The following WDR97 variants were observed in gnomAD, a reference collection of about 807,000 sequenced individuals.
The protein encoded by WDR97 is WD repeat domain 97, also known as WD repeat-containing protein 97.
A neutral mutation model predicts 65.4 loss-of-function variants in WDR97; 111 were observed. The ratio of observed to expected loss-of-function variants is 1.70; its 90% CI spans 1.45 to 1.99. The LOEUF (loss-of-function observed/expected upper bound fraction) is 1.99, where lower values mean the gene tolerates loss of function less well. Among genes scored for constraint, WDR97 ranks in the 30% most tolerant of loss-of-function variants. The probability of loss-of-function intolerance (pLI) is 0.00; values close to 1 mark genes in which losing one functional copy is unlikely to be tolerated. For synonymous variants in WDR97, 802 were observed against 397.7 expected, an observed-to-expected ratio of 2.02 and a Z score of -12.10; for missense variants, 1,674 against 865.0, an observed-to-expected ratio of 1.94 and a Z score of -11.73.
Position 144,111,048 on chromosome 8 carries a change from G to T in WDR97, c.2304+52G>T, listed in dbSNP as rs887184249. The T allele has an allele frequency of 5.3e-5, 37 of 702,486 alleles. No individual in the cohort carries two copies. In the African/African-American group the frequency reaches 5.8e-4, roughly 11 times the overall value. The allele number at this position is 702,486 out of a possible 1,614,324, so 43.5% of individuals were successfully genotyped here. A position where few individuals can be genotyped will look rare whatever the true frequency, so the allele number is the denominator to read the frequency against. On this transcript the variant is annotated intron_variant, in intron 9 of 23. Transcript: ENST00000323662. ...GGTGGGCCCCCCTTGCTCACCTTGGGGGGCAGACCCAGGTTCCCCCAGCCA... is the reference window on the plus strand; with the variant it reads ...GGTGGGCCCCCCTTGCTCACCTTGGTGGGCAGACCCAGGTTCCCCCAGCCA...
chr8:144,114,252 C>T (rs1412562233), intron 18 of WDR97, 26 bp from the exon 19 acceptor site: 1 of 695,262 alleles, frequency 1.4e-6, no homozygotes, highest in Admixed American at 2.0e-5. Flanking sequence ...GACATGGGAG[C>T]AGGGCCTCAG....
Position 144,114,825 on chromosome 8 carries a change from T to C in WDR97, c.3991T>C (p.Trp1331Arg), listed in dbSNP as rs1459452286. The C allele has an allele frequency of 7.1e-6, 5 of 702,634 alleles. No homozygotes were observed. The highest frequency in any genetic ancestry group is 1.3e-5 in the Non-Finnish European group (5 of 384,954). The allele number at this position is 702,634 out of a possible 1,614,324, so 43.5% of individuals were successfully genotyped here. The change falls in exon 21 of 24, where the codon TGG becomes CGG. Residue 1331 changes from tryptophan (W) to arginine (R), a missense_variant. Physicochemically the swap from Trp to Arg is moderately radical, Grantham distance 101 (BLOSUM62 -3). Transcript: ENST00000323662. ...CTTCCTATTCAAGGAGATGATGACC[T>C]GGGTCCAGGGCCCAGACCTGGACTC... ...EGFLFKEMMTWVQGPDLDSKA... is the reference protein window; with the variant it reads ...EGFLFKEMMTRVQGPDLDSKA...
Position 144,113,445 on chromosome 8 carries a change from C to G in WDR97, c.3111C>G (p.Cys1037Trp), listed in dbSNP as rs1836587182. 1 of 702,356 alleles carries G rather than the reference C, an allele frequency of 1.4e-6. No homozygotes were observed. Among genetic ancestry groups the G allele is most frequent in the Non-Finnish European group, 2.6e-6 (1 of 384,888 alleles). The allele number at this position is 702,356 out of a possible 1,614,324, so 43.5% of individuals were successfully genotyped here. A position where few individuals can be genotyped will look rare whatever the true frequency, so the allele number is the denominator to read the frequency against. ...CCTGCTGTGCCCACCTCCAGCACTG[C>G]CTGAGGCCCATCTGCTTCCCCGGCT... is the stretch of plus-strand genomic sequence containing the variant. Reference protein sequence around the residue: ...FPATVQPHKHCLRPICFPGYV... With the variant: ...FPATVQPHKHWLRPICFPGYV... Residue 1037 changes from cysteine to tryptophan, a missense_variant, in exon 16 of 24, where the codon TGC becomes TGG. Coordinates refer to ENST00000323662, the MANE Select transcript of WDR97 (RefSeq NM_001316309.2).
intron 1 of WDR97, 95 bp downstream of exon 1, chr8:144,107,957 CA>C (rs917427222): frequency 4.3e-6 from 3 of 701,362 alleles, no homozygotes; most frequent in Non-Finnish European, 7.8e-6. Context: ...CTCCCCTGGG[CA>C]GTCCCTGGTA....
Position 144,109,750 on chromosome 8 carries a change from G to A in WDR97, c.1416G>A (p.Glu472=), listed in dbSNP as rs1398978231. 7 of 680,550 alleles carry A rather than the reference G, an allele frequency of 1.0e-5. No individual in the cohort carries two copies. Among genetic ancestry groups the A allele is most frequent in the South Asian group, 6.1e-5 (4 of 65,430 alleles). The allele number at this position is 680,550 out of a possible 1,614,324, so 42.2% of individuals were successfully genotyped here. Residue 472 remains glutamate, a synonymous_variant, in exon 5 of 24, where the codon GAG becomes GAA. Coordinates refer to ENST00000323662, the MANE Select transcript of WDR97 (RefSeq NM_001316309.2). The part of the protein sequence containing the change: ...TGRIVSSLLL[E]PEDCAAAVAY... ...GCATAGTGAGCTCACTGCTGCTGGA[G>A]CCGGAGGACTGCGCGGCAGCCGTGG...
rs1836599557 is a variant in WDR97, at chr8:144,113,984, T to C, written c.3416T>C (p.Val1139Ala). The change falls in exon 18 of 24, where the codon GTG becomes GCG. Residue 1139 changes from valine (V) to alanine (A), a missense_variant. Physicochemically the swap from Val to Ala is moderately conservative, Grantham distance 64. Transcript: ENST00000323662. Reference protein sequence around the residue: ...DSWELEDQSAVDWTQEPRRRS... With the variant: ...DSWELEDQSAADWTQEPRRRS... ...CCACTGCTGCTCCCCTAGAGTGCTG[T>C]GGACTGGACCCAGGAGCCCCGGCGG... The C allele has an allele frequency of 1.4e-6, 1 of 702,448 alleles. No homozygotes were observed. The highest frequency in any genetic ancestry group is 2.7e-5 in the East Asian group (1 of 37,292). The allele number at this position is 702,448 out of a possible 1,614,324, so 43.5% of individuals were successfully genotyped here.
In WDR97 at chr8:144,116,020, G is replaced by A; in HGVS notation, c.4666+7G>A. 1.4e-6 allele frequency: 1 copy of A among 699,862 alleles called. No individual in the cohort carries two copies. Among genetic ancestry groups the A allele is most frequent in the Non-Finnish European group, 2.6e-6 (1 of 384,356 alleles). 43.4% of individuals were successfully genotyped at this position (699,862 alleles called of 1,614,324 possible). The stretch of plus-strand genomic sequence containing the variant: ...TCCGCGATGAGACTGAGGGGTGAGT[G>A]GAGCCAGGGGTGGAGACTGGACCCC... On this transcript the variant is annotated splice_region_variant and intron_variant, in intron 23 of 23. Coordinates refer to ENST00000323662, the MANE Select transcript of WDR97 (RefSeq NM_001316309.2).
intron 3 of WDR97, 30 bp downstream of exon 3, chr8:144,108,974 G>C (rs1487688451): frequency 1.4e-6 from 1 of 703,050 alleles, no homozygotes; most frequent in Admixed American, 2.0e-5. Flanking sequence ...GGAGGGCCAG[G>C]CATGTAGGGG....
rs1836609625 is a variant in WDR97, at chr8:144,114,407, GATCT to G, written c.3725_3728del (p.Asp1242AlafsTer30). 1.4e-6 allele frequency: 1 copy of G among 702,830 alleles called. No homozygotes were observed. The highest frequency in any genetic ancestry group is 2.7e-5 in the East Asian group (1 of 37,286). 43.5% of individuals were successfully genotyped at this position (702,830 alleles called of 1,614,324 possible). ...GAGACTGCTGCCCAACATGAGCAGT[GATCT>G]CCAAGGCCAGCTGCAGGGCCTGCTC... On this transcript the variant is annotated frameshift_variant, in exon 19 of 24. Coordinates refer to ENST00000323662, the MANE Select transcript of WDR97 (RefSeq NM_001316309.2). LOFTEE classifies it high-confidence loss of function.
At position 144,109,690 on chromosome 8, in the gene WDR97, C is replaced by T; in HGVS notation, c.1356C>T (p.Asp452=). ...LPTRLVCACA[D]GSVYLLSAAT... is the part of the protein sequence containing the mutation. ...CGCGCCTCGTGTGCGCGTGCGCCGACGGCTCGGTCTACCTCCTGTCGGCGG... is the reference window on the plus strand; with the variant it reads ...CGCGCCTCGTGTGCGCGTGCGCCGATGGCTCGGTCTACCTCCTGTCGGCGG... The change falls in exon 5 of 24, where the codon GAC becomes GAT. Residue 452 remains aspartate (D), a synonymous_variant. Coordinates refer to ENST00000323662, the MANE Select transcript of WDR97 (RefSeq NM_001316309.2). 1 of 670,754 alleles carries T rather than the reference C, an allele frequency of 1.5e-6. No individual in the cohort carries two copies. Among genetic ancestry groups the T allele is most frequent in the Admixed American group, 2.2e-5 (1 of 45,978 alleles). The allele number at this position is 670,754 out of a possible 1,614,324, so 41.6% of individuals were successfully genotyped here.
At chr8:144,115,041 C>T in intron 21 of WDR97, 130 bp downstream of exon 21, 1 of 603,614 alleles carries the variant, frequency 1.7e-6, no homozygotes, top group Non-Finnish European at 2.9e-6. Flanking sequence ...GGGCCTCCAG[C>T]CTCCCTGCCC....
chr8:144,111,318 C>T, intron 10 of WDR97, 96 bp downstream of exon 10: 1 of 702,754 alleles, frequency 1.4e-6, no homozygotes, highest in Non-Finnish European at 2.6e-6. Context: ...TGATACAAGC[C>T]TGCCTGAGCC....
chr8:144,112,707 CCT>C, intron 15 of WDR97, 177 bp downstream of exon 15: 1 of 619,536 alleles, frequency 1.6e-6, no homozygotes, highest in Admixed American at 2.6e-5. Flanking sequence ...CACCCTTCAC[CCT>C]CTGTCTAGCC....
At chr8:144,108,235 G>T in intron 2 of WDR97, 40 bp downstream of exon 2, 1 of 695,818 alleles carries the variant, frequency 1.4e-6, no homozygotes, top group Non-Finnish European at 2.6e-6. Flanking sequence ...CCTCTTTCCG[G>T]ATCTGGGCCT....
At position 144,116,102 on chromosome 8, in the gene WDR97, T is replaced by TC. The variant is rs763710402; in HGVS notation, c.4681dup (p.Arg1561ProfsTer59). 2.6e-4 allele frequency: 153 copies of TC among 578,266 alleles called. 1 individual carries two copies. In the East Asian group the frequency reaches 5.2e-3, roughly 20 times the overall value. The allele number at this position is 578,266 out of a possible 1,614,324, so 35.8% of individuals were successfully genotyped here. A position where few individuals can be genotyped will look rare whatever the true frequency, so the allele number is the denominator to read the frequency against. On this transcript the variant is annotated frameshift_variant, in exon 24 of 24. Coordinates refer to ENST00000323662, the MANE Select transcript of WDR97 (RefSeq NM_001316309.2). LOFTEE classifies it low-confidence loss of function (END_TRUNC). ...CCGCCCGCCCCCAGGCCCCATGCGG[T>TC]CCCGGCTCTGTGCGGGCCGCACCCT... is the stretch of plus-strand genomic sequence containing the variant.
At chr8:144,113,600 G>A (rs1836590573) in intron 16 of WDR97, 57 bp from the exon 17 acceptor site, 1 of 663,058 alleles carries the variant, frequency 1.5e-6, no homozygotes, top group African/African-American at 1.8e-5. Context: ...TTTGCCGGCA[G>A]GGGAGGGCTC....
chr8:144,115,848 C>T lies in WDR97; in HGVS notation c.4585C>T (p.Arg1529Trp), dbSNP rs969194739. ...GCCCGACATGGTGGTGCCACCTCCG[C>T]GGGAGCACTGGTGCGCGGGGCCTGC... Reference protein sequence around the residue: ...PVPDMVVPPPREHWYHPILRL... With the variant: ...PVPDMVVPPPWEHWYHPILRL... Residue 1529 changes from arginine (R) to tryptophan (W), a missense_variant, in exon 22 of 24, where the codon CGG becomes TGG. Transcript: ENST00000323662. The T allele has an allele frequency of 1.7e-5, 12 of 690,112 alleles. No individual in the cohort carries two copies. The highest frequency in any genetic ancestry group is 2.9e-5 in the Non-Finnish European group (11 of 377,112). The allele number at this position is 690,112 out of a possible 1,614,324, so 42.7% of individuals were successfully genotyped here. A position where few individuals can be genotyped will look rare whatever the true frequency, so the allele number is the denominator to read the frequency against.
At position 144,108,685 on chromosome 8, in the gene WDR97, G is replaced by A; in HGVS notation, c.619G>A (p.Asp207Asn). ...WAPTCCLPVP[D>N]LRLLLVAEMN... is the part of the protein sequence containing the mutation. ...GCCCACCTGCTGCCTGCCGGTTCCC[G>A]ACCTCAGGCTGCTGCTCGTTGCGGA... The change falls in exon 3 of 24, where the codon GAC becomes AAC. Residue 207 changes from aspartate (D) to asparagine (N), a missense_variant. By Grantham distance (23) the Asp-to-Asn change is conservative. Transcript: ENST00000323662. 1 of 700,762 alleles carries A rather than the reference G, an allele frequency of 1.4e-6. No homozygotes were observed. Among genetic ancestry groups the A allele is most frequent in the Non-Finnish European group, 2.6e-6 (1 of 384,480 alleles). The allele number at this position is 700,762 out of a possible 1,614,324, so 43.4% of individuals were successfully genotyped here. A position where few individuals can be genotyped will look rare whatever the true frequency, so the allele number is the denominator to read the frequency against.
At position 144,115,493 on chromosome 8, in the gene WDR97, C is replaced by G. The variant is rs1836632683; in HGVS notation, c.4230C>G (p.His1410Gln). 2.9e-6 allele frequency: 2 copies of G among 695,638 alleles called. No homozygotes were observed. Among genetic ancestry groups the G allele is most frequent in the Admixed American group, 4.1e-5 (2 of 49,318 alleles). The allele number at this position is 695,638 out of a possible 1,614,324, so 43.1% of individuals were successfully genotyped here. ...TGGTGGTCTCACCTGCGGAGCCGCA[C>G]TCTTTAGCCCCGGAGCTCCAGGCCC... ...PLMVVSPAEP[H>Q]SLAPELQAQR... The change falls in exon 22 of 24, where the codon CAC becomes CAG. Residue 1410 changes from histidine to glutamine, a missense_variant. His to Gln is a conservative substitution (Grantham distance 24, BLOSUM62 0). Transcript: ENST00000323662.
Sources: gnomAD v4.1 joint callset for allele counts on GRCh38, gnomAD v4.1.1 for gene constraint, MANE v1.5 for transcripts, NCBI Gene and HGNC (gene_info 2026-07-23, HGNC 2026-07-21) for gene names.